The following FAF1 variants were observed in gnomAD, a reference collection of about 807,000 sequenced individuals.
The protein encoded by FAF1 is FAS-associated factor 1.
Under a neutral mutation model 92.5 loss-of-function variants are expected in FAF1, and 25 were observed. That is an observed-to-expected ratio of 0.27 (90% CI 0.20 to 0.38). FAF1 has a LOEUF of 0.38. Among genes scored for constraint, FAF1 ranks in the 10% least tolerant of loss-of-function variants. FAF1 has a pLI of 1.00. For missense variants in FAF1, 636 were observed against 793.3 expected (o/e 0.80, Z 2.38); for synonymous variants, 234 against 273.2 (o/e 0.86, Z 1.42).
At chr1:50,535,247 T>C (rs911242364) in intron 15 of FAF1, 122 bp downstream of exon 15, 6 of 650,634 alleles carry the variant, frequency 9.2e-6, no homozygotes, top group African/African-American at 3.6e-5. Context: ...CTTGGTAAAT[T>C]TGGAAATGCA....
chr1:50,896,877 A>C (rs1411694833), intron 1 of FAF1, among the ~76,000 whole-genome samples: 1 of 152,206 alleles, frequency 6.6e-6, no homozygotes, highest in African/African-American at 2.4e-5. Context: ...TGATGGTTGC[A>C]CAATTTAACT....
intron 18 of FAF1, among the ~76,000 whole-genome samples, chr1:50,455,075 C>T (rs141112837): frequency 6.6e-6 from 1 of 152,330 alleles, no homozygotes; most frequent in Non-Finnish European, 1.5e-5. Context: ...CAGGCAGACT[C>T]CGTTGGTGAT....
chr1:50,484,446 CAT>C (rs752316449), intron 17 of FAF1, among the ~76,000 whole-genome samples: 1 of 152,016 alleles, frequency 6.6e-6, no homozygotes, highest in South Asian at 2.1e-4. Context: ...AGTGGATATA[CAT>C]ATATATATAG....
intron 4 of FAF1, among the ~76,000 whole-genome samples, chr1:50,766,395 T>C (rs1456982887): frequency 6.6e-6 from 1 of 152,128 alleles, no homozygotes; most frequent in African/African-American, 2.4e-5. Context: ...AGATTCTATA[T>C]GGGTAGAGAT....
intron 1 of FAF1, among the ~76,000 whole-genome samples, chr1:50,889,052 G>T (rs1275287726): frequency 1.3e-5 from 2 of 152,114 alleles, no homozygotes; most frequent in Non-Finnish European, 2.9e-5. Context: ...GCCTGTTATT[G>T]GTCTATTCAG....
intron 13 of FAF1, among the ~76,000 whole-genome samples, chr1:50,555,276 G>GACAC (rs753747887): frequency 4.9e-5 from 7 of 141,714 alleles, no homozygotes; most frequent in East Asian, 2.0e-4. Flanking sequence ...CCAGGACTCT[G>GACAC]ACACACACAC....
At chr1:50,450,819 A>T (rs1646285580) in intron 18 of FAF1, among the ~76,000 whole-genome samples, 2 of 152,194 alleles carry the variant, frequency 1.3e-5, no homozygotes, top group Admixed American at 6.5e-5. Flanking sequence ...TATTAATAAT[A>T]ATTATTATAA....
chr1:50,492,870 T>G lies in FAF1; in HGVS notation c.1495-1069A>C, dbSNP rs534654413. Reference sequence around the variant, plus strand: ...TAATTCAACTAATTCCTAAAAGCTCTGGTATGAATAGGAACATTTCATTGC... The same window carrying G: ...TAATTCAACTAATTCCTAAAAGCTCGGGTATGAATAGGAACATTTCATTGC... On this transcript the variant is annotated intron_variant, in intron 15 of 18. Transcript: ENST00000396153. 9.9e-5 allele frequency among the ~76,000 whole-genome samples: 15 copies of G among 152,280 alleles called. No individual in the cohort carries two copies. In the South Asian group the frequency reaches 3.1e-3, roughly 32 times the overall value.
intron 6 of FAF1, among the ~76,000 whole-genome samples, chr1:50,737,814 G>A (rs568901686): frequency 6.6e-6 from 1 of 152,180 alleles, no homozygotes; most frequent in Admixed American, 6.5e-5. Flanking sequence ...GTGGTGGGGG[G>A]AAAGCTTGAC....
At chr1:50,862,931 A>C (rs1644447998) in intron 1 of FAF1, among the ~76,000 whole-genome samples, 1 of 151,924 alleles carries the variant, frequency 6.6e-6, no homozygotes, top group Non-Finnish European at 1.5e-5. Context: ...TAATAGCAGG[A>C]GACTTCAATA....
At chr1:50,782,829 G>A (rs774616209) in intron 4 of FAF1, among the ~76,000 whole-genome samples, 52 of 152,140 alleles carry the variant, frequency 3.4e-4, no homozygotes, top group Admixed American at 6.5e-4. Context: ...GTACAGTAAT[G>A]TCCTAAGTCT....
At chr1:50,699,312 G>A (rs1444589222) in intron 7 of FAF1, among the ~76,000 whole-genome samples, 1 of 151,936 alleles carries the variant, frequency 6.6e-6, no homozygotes, top group Non-Finnish European at 1.5e-5. Context: ...CAGCTTTAAG[G>A]ATAAGGAATA....
At chr1:50,465,094 G>GA (rs1646478249) in intron 18 of FAF1, among the ~76,000 whole-genome samples, 1 of 152,096 alleles carries the variant, frequency 6.6e-6, no homozygotes, top group African/African-American at 2.4e-5. Context: ...GGTTAACAGT[G>GA]AGATATAACA....
At position 50,793,135 on chromosome 1, in the gene FAF1, G is replaced by A. The variant is rs189887083; in HGVS notation, c.162-4930C>T. ...CTTGGTAGCCTAAATCCTGACTTCA[G>A]TGACCACTGTGGAGAACCACAGTCA... is the stretch of plus-strand genomic sequence containing the variant. On this transcript the variant is annotated intron_variant, in intron 3 of 18. Coordinates refer to ENST00000396153, the MANE Select transcript of FAF1 (RefSeq NM_007051.3). 9.6e-4 allele frequency among the ~76,000 whole-genome samples: 146 copies of A among 152,250 alleles called. 2 individuals carry two copies. The highest frequency in any genetic ancestry group is 3.5e-3 in the African/African-American group (145 of 41,554).
intron 12 of FAF1, chr1:50,582,303 C>A: frequency 3.7e-6 from 1 of 267,358 alleles, no homozygotes; most frequent in Non-Finnish European, 7.1e-6. Flanking sequence ...ACCCCTATCA[C>A]ATTAATGTCC....
At chr1:50,595,458 T>A (rs1261525440) in intron 9 of FAF1, among the ~76,000 whole-genome samples, 1 of 152,206 alleles carries the variant, frequency 6.6e-6, no homozygotes, top group Non-Finnish European at 1.5e-5. Flanking sequence ...TGCTTCATAG[T>A]AAGTGCTCCA....
At chr1:50,651,835 T>G (rs1654878136) in intron 8 of FAF1, among the ~76,000 whole-genome samples, 1 of 152,158 alleles carries the variant, frequency 6.6e-6, no homozygotes, top group Admixed American at 6.5e-5. Context: ...GCAACAAATA[T>G]AGACTACAAG....
chr1:50,831,380 A>G (rs1644151163), intron 2 of FAF1, among the ~76,000 whole-genome samples: 1 of 152,118 alleles, frequency 6.6e-6, no homozygotes, highest in Non-Finnish European at 1.5e-5. Flanking sequence ...TCCAGAACAA[A>G]TATAGAATCT....
chr1:50,555,471 AAAG>A (rs2149049088), intron 13 of FAF1, among the ~76,000 whole-genome samples: 1 of 152,214 alleles, frequency 6.6e-6, no homozygotes, highest in East Asian at 1.9e-4. Context: ...ACATTTTTCA[AAAG>A]AAGATGTACA....
Sources: gnomAD v4.1 joint callset for allele counts (sites outside exome capture counted in the v4.1 genomes callset) on GRCh38, gnomAD v4.1.1 for gene constraint, MANE v1.5 for transcripts, NCBI Gene and HGNC (gene_info 2026-07-23, HGNC 2026-07-21) for gene names.